Variants in ROBO2 observed in about 807,000 individuals in gnomAD.
ROBO2 encodes the protein roundabout guidance receptor 2.
A neutral mutation model predicts 160.8 loss-of-function variants in ROBO2; 53 were observed. That is an observed-to-expected ratio of 0.33 (90% CI 0.26 to 0.41). ROBO2 has a LOEUF of 0.41. Ranked by LOEUF, ROBO2 falls within the 10% of genes least tolerant of loss-of-function variation. The pLI is 1.00. For synonymous variants in ROBO2, 664 were observed against 611.7 expected (o/e 1.09, Z -1.26); for missense variants, 1,577 against 1,722.4 (o/e 0.92, Z 1.49).
intron 2 of ROBO2, among the ~76,000 whole-genome samples, chr3:76,584,436 T>TA (rs2085902008): frequency 6.6e-6 from 1 of 152,128 alleles, no homozygotes; most frequent in African/African-American, 2.4e-5. Context: ...AGGTTGTTAT[T>TA]ATCATGGGTC....
intron 1 of ROBO2, among the ~76,000 whole-genome samples, chr3:75,908,434 GA>G (rs1341122588): frequency 1.5e-5 from 2 of 131,366 alleles, no homozygotes; most frequent in Non-Finnish European, 3.2e-5. Context: ...GGAGAAAAGT[GA>G]TATTCCATTT....
chr3:76,091,852 A>G (rs1209144735), intron 2 of ROBO2, among the ~76,000 whole-genome samples: 1 of 152,196 alleles, frequency 6.6e-6, no homozygotes, highest in East Asian at 1.9e-4. Context: ...AATTCCAACT[A>G]TATGATCTTC....
intron 2 of ROBO2, among the ~76,000 whole-genome samples, chr3:75,991,681 A>G (rs1438078540): frequency 2.6e-5 from 4 of 152,138 alleles, no homozygotes; most frequent in Non-Finnish European, 5.9e-5. Flanking sequence ...TGTGGAATCA[A>G]CTTTGGAATT....
At chr3:77,639,853 G>C (rs1432863335) in intron 24 of ROBO2, among the ~76,000 whole-genome samples, 1 of 152,140 alleles carries the variant, frequency 6.6e-6, no homozygotes, top group Non-Finnish European at 1.5e-5. Flanking sequence ...GCTGTGTTGA[G>C]ATGTACTAAA....
chr3:75,911,558 T>C (rs957542027), intron 1 of ROBO2, among the ~76,000 whole-genome samples: 69 of 129,110 alleles, frequency 5.3e-4, no homozygotes, highest in Non-Finnish European at 1.0e-3. Flanking sequence ...GTTTCTTTTT[T>C]TTTTTTTTTT....
At chr3:77,224,736 A>G (rs564775554) in intron 2 of ROBO2, among the ~76,000 whole-genome samples, 1 of 152,016 alleles carries the variant, frequency 6.6e-6, no homozygotes, top group Admixed American at 6.6e-5. Flanking sequence ...CTTTCTCCTA[A>G]AACAACAGAA....
At chr3:77,461,577 A>C (rs1449459662) in intron 2 of ROBO2, among the ~76,000 whole-genome samples, 1 of 152,144 alleles carries the variant, frequency 6.6e-6, no homozygotes, top group East Asian at 1.9e-4. Context: ...TGTATATTCA[A>C]TCCATATGAA....
chr3:76,516,761 A>C (rs116771752), intron 2 of ROBO2, among the ~76,000 whole-genome samples: 149 of 152,254 alleles, frequency 9.8e-4, no homozygotes, highest in African/African-American at 3.5e-3. Flanking sequence ...TTTGACAAGC[A>C]TTCCGACCTA....
intron 2 of ROBO2, among the ~76,000 whole-genome samples, chr3:76,449,962 A>C (rs1284740064): frequency 1.3e-5 from 2 of 152,306 alleles, no homozygotes; most frequent in Admixed American, 6.5e-5. Flanking sequence ...ACAGCTTTAC[A>C]CAACATTAAG....
In ROBO2 at chr3:77,056,295, G is replaced by A. The variant is rs541621711; in HGVS notation, c.61+15449G>A. On this transcript the variant is annotated intron_variant, in intron 1 of 25. Coordinates refer to ENST00000461745, the Ensembl canonical transcript of ROBO2. ...TGTAAAAACTTGTCCCCCAACCACC[G>A]TTTGTTAAGGGAGGCAGTATTTAGC... 9.9e-5 allele frequency among the ~76,000 whole-genome samples: 15 copies of A among 152,202 alleles called. No individual in the cohort carries two copies. The South Asian group carries it at 1.7e-3, about 17-fold the overall frequency.
intron 2 of ROBO2, among the ~76,000 whole-genome samples, chr3:75,953,583 T>G (rs1285203272): frequency 6.6e-6 from 1 of 151,932 alleles, no homozygotes; most frequent in African/African-American, 2.4e-5. Flanking sequence ...ATGCTCAATT[T>G]CTCAATTTTT....
chr3:77,492,576 C>T lies in ROBO2; in HGVS notation c.668-668C>T, dbSNP rs536667794. Among the ~76,000 whole-genome samples the T allele has an allele frequency of 1.1e-4, 16 of 151,864 alleles. No individual in the cohort carries two copies. In the South Asian group the frequency reaches 3.1e-3, roughly 30 times the overall value. ...AAAAAAAATGGGTAGATATCTCAAACACTTAAGAGAAGACCATTGGAGAAA... is the reference window on the plus strand; with the variant it reads ...AAAAAAAATGGGTAGATATCTCAAATACTTAAGAGAAGACCATTGGAGAAA... On this transcript the variant is annotated intron_variant, in intron 4 of 25. Transcript: ENST00000461745.
chr3:77,407,738 T>C (rs913926579), intron 2 of ROBO2, among the ~76,000 whole-genome samples: 1 of 152,354 alleles, frequency 6.6e-6, no homozygotes, highest in African/African-American at 2.4e-5. Context: ...TAAAAAATAA[T>C]GCTCGTGTTT....
intron 2 of ROBO2, among the ~76,000 whole-genome samples, chr3:76,655,049 AT>A (rs1396434917): frequency 1.3e-5 from 2 of 151,088 alleles, no homozygotes; most frequent in African/African-American, 4.8e-5. Context: ...TAATAAAGAA[AT>A]TTCTTTGGTT....
intron 2 of ROBO2, among the ~76,000 whole-genome samples, chr3:77,102,315 G>T (rs892242980): frequency 6.6e-6 from 1 of 152,016 alleles, no homozygotes; most frequent in African/African-American, 2.4e-5. Flanking sequence ...TGGGTGGGTG[G>T]ATTGTGCTAG....
At position 76,682,062 on chromosome 3, in the gene ROBO2, A is replaced by C. The variant is rs76393929; in HGVS notation, c.110-415952A>C. 2.6e-3 allele frequency among the ~76,000 whole-genome samples: 390 copies of C among 152,204 alleles called. 1 individual carries two copies. The highest frequency in any genetic ancestry group is 8.9e-3 in the African/African-American group (369 of 41,514). ...GGCTACTATTGTGTGCCAGATGTGA[A>C]GTAAGAGCCAGTAAACAAAGAAGAA... On this transcript the variant is annotated intron_variant, in intron 2 of 26. Transcript: ENST00000487694.
rs1175196296 is a variant in ROBO2 at position 77,640,122 on chromosome 3, T to G, written c.3935-4582T>G. 1.4e-4 allele frequency among the ~76,000 whole-genome samples: 19 copies of G among 132,850 alleles called. No individual in the cohort carries two copies. The East Asian group carries it at 3.0e-3, about 21-fold the overall frequency. 87.2% of individuals were successfully genotyped at this position (132,850 alleles called of 152,430 possible). A position where few individuals can be genotyped will look rare whatever the true frequency, so the allele number is the denominator to read the frequency against. ...ATTTTTTTTTTTTTTTTTTTTTTTT[T>G]TTTTTTTGAGACGGAGTCTCGCTCT... On this transcript the variant is annotated intron_variant, in intron 24 of 25. Coordinates refer to ENST00000461745, the Ensembl canonical transcript of ROBO2.
chr3:76,574,145 G>T (rs1340148716), intron 2 of ROBO2, among the ~76,000 whole-genome samples: 1 of 152,032 alleles, frequency 6.6e-6, no homozygotes, highest in East Asian at 1.9e-4. Flanking sequence ...ATAAATATCT[G>T]TTTATTAGAA....
At chr3:76,524,946 A>C in intron 2 of ROBO2, among the ~76,000 whole-genome samples, 1 of 150,938 alleles carries the variant, frequency 6.6e-6, no homozygotes, top group East Asian at 2.0e-4. Flanking sequence ...TTAGAGATCT[A>C]TGCAAAGCAA....
Sources: gnomAD v4.1 joint callset for allele counts (sites outside exome capture counted in the v4.1 genomes callset) on GRCh38, gnomAD v4.1.1 for gene constraint, MANE v1.5 for transcripts, NCBI Gene and HGNC (gene_info 2026-07-23, HGNC 2026-07-21) for gene names.